Variants in MEF2D observed in about 807,000 individuals in gnomAD.
MEF2D encodes myocyte enhancer factor 2D.
In MEF2D, 10 loss-of-function variants were observed where a neutral mutation model predicts 59.3. That is an observed-to-expected ratio of 0.17 (90% CI 0.10 to 0.29). MEF2D has a LOEUF of 0.29. Ranked by LOEUF, MEF2D falls within the 10% of genes least tolerant of loss-of-function variation. The pLI, the probability that MEF2D is intolerant of heterozygous loss-of-function variation, is 1.00. For missense variants in MEF2D, 508 were observed against 699.4 expected (o/e 0.73, Z 3.09); for synonymous variants, 305 against 295.0 (o/e 1.03, Z -0.35).
intron 9 of MEF2D, among the ~76,000 whole-genome samples, chr1:156,471,399 G>C (rs2102008562): frequency 6.6e-6 from 1 of 152,328 alleles, no homozygotes; most frequent in Middle Eastern, 3.4e-3. Flanking sequence ...AATATGCTGG[G>C]ATTACAGGTG....
Position 156,479,644 on chromosome 1 carries a change from C to G in MEF2D, c.549G>C (p.Gln183His), listed in dbSNP as rs148815967. 241 of 1,552,922 alleles carry G rather than the reference C, an allele frequency of 1.6e-4. No individual in the cohort carries two copies. The highest frequency in any genetic ancestry group is 2.1e-4 in the Non-Finnish European group (238 of 1,147,776). The change falls in exon 5 of 12, where the codon CAG becomes CAC. Residue 183 changes from glutamine (Q) to histidine (H), a missense_variant. Transcript: ENST00000348159. The stretch of plus-strand genomic sequence containing the variant: ...ACACACTGTTCCTCTGTAGTGCTGG[C>G]TGCTGGGGGGACAGGAGCCGCGGGT... ...LTDPRLLSPQQPALQRNSVSP... is the reference protein window; with the variant it reads ...LTDPRLLSPQHPALQRNSVSP...
intron 3 of MEF2D, 105 bp from the exon 4 acceptor site, chr1:156,481,076 C>A: frequency 6.6e-7 from 1 of 1,522,516 alleles, no homozygotes; most frequent in South Asian, 1.2e-5. Flanking sequence ...TCCCCGACCT[C>A]CTTCTTCAGG....
At chr1:156,481,182 CAGAG>C (rs2102123874) in intron 3 of MEF2D, among the ~76,000 whole-genome samples, 1 of 152,298 alleles carries the variant, frequency 6.6e-6, no homozygotes, top group African/African-American at 2.4e-5. Flanking sequence ...TGTCGGAACA[CAGAG>C]AACAAGGCTG....
intron 3 of MEF2D, among the ~76,000 whole-genome samples, 170 bp downstream of exon 3, chr1:156,482,267 T>C (rs1337897596): frequency 2.6e-5 from 4 of 152,196 alleles, no homozygotes; most frequent in Non-Finnish European, 5.9e-5. Flanking sequence ...GACCCTGGGT[T>C]TGTATGACAG....
chr1:156,499,770 C>G (rs1405486693), intron 1 of MEF2D, among the ~76,000 whole-genome samples: 1 of 152,140 alleles, frequency 6.6e-6, no homozygotes, highest in South Asian at 2.1e-4. Flanking sequence ...GGGTTACTGA[C>G]AAACCACATC....
chr1:156,489,458 C>T (rs1407708316), intron 1 of MEF2D, among the ~76,000 whole-genome samples: 6 of 152,094 alleles, frequency 3.9e-5, no homozygotes, highest in Admixed American at 2.0e-4. Context: ...GAAAAAGAGG[C>T]AGCGAGGCCA....
chr1:156,498,921 A>G (rs1673307480), intron 1 of MEF2D, among the ~76,000 whole-genome samples: 1 of 152,190 alleles, frequency 6.6e-6, no homozygotes, highest in Non-Finnish European at 1.5e-5. Flanking sequence ...ATTCATTCCC[A>G]GGCAGGGCCG....
At position 156,463,894 on chromosome 1, in the gene MEF2D, C is replaced by G. The variant is rs1670671596; in HGVS notation, c.*3751G>C. 6.6e-6 allele frequency: 1 copy of G among 152,574 alleles called. No homozygotes were observed. Among genetic ancestry groups the G allele is most frequent in the African/African-American group, 2.4e-5 (1 of 41,426 alleles). The allele number at this position is 152,574 out of a possible 1,614,324, so 9.5% of individuals were successfully genotyped here. A position where few individuals can be genotyped will look rare whatever the true frequency, so the allele number is the denominator to read the frequency against. ...ACAGCACGAAAAGAAATATTGAAAA[C>G]AAATCAACAGCCTCACACTTGGACT... On this transcript the variant is annotated 3_prime_UTR_variant, in exon 12 of 12. Transcript: ENST00000348159.
intron 9 of MEF2D, among the ~76,000 whole-genome samples, chr1:156,473,770 G>A (rs990179927): frequency 1.3e-5 from 2 of 152,108 alleles, no homozygotes; most frequent in African/African-American, 4.8e-5. Context: ...TCCTTAAGTG[G>A]CTCTTTACCT....
chr1:156,467,709 G>C lies in MEF2D; in HGVS notation c.1555-53C>G, dbSNP rs1391210262. The C allele has an allele frequency of 2.2e-6, 3 of 1,358,352 alleles. No homozygotes were observed. In the East Asian group the frequency reaches 8.1e-5, roughly 37 times the overall value. 84.1% of individuals were successfully genotyped at this position (1,358,352 alleles called of 1,614,324 possible). On this transcript the variant is annotated intron_variant, in intron 11 of 11. Coordinates refer to ENST00000348159, the MANE Select transcript of MEF2D (RefSeq NM_005920.4). ...GTGTGAGGGGGTGGCCCAGGCTTTG[G>C]GTATGCACCCCCCACTCCCCTCTCC...
At chr1:156,476,539 G>A in intron 7 of MEF2D, 25 bp from the exon 8 acceptor site, 1 of 1,609,196 alleles carries the variant, frequency 6.2e-7, no homozygotes. Context: ...AAAACCAAGG[G>A]GATGTTCAGT....
rs1670668676 is a variant in MEF2D at position 156,463,830 on chromosome 1, C to T, written c.*3815G>A. The T allele has an allele frequency of 6.6e-6, 1 of 152,660 alleles. No individual in the cohort carries two copies. Among genetic ancestry groups the T allele is most frequent in the Admixed American group, 6.5e-5 (1 of 15,290 alleles). The allele number at this position is 152,660 out of a possible 1,614,324, so 9.5% of individuals were successfully genotyped here. A position where few individuals can be genotyped will look rare whatever the true frequency, so the allele number is the denominator to read the frequency against. On this transcript the variant is annotated 3_prime_UTR_variant, in exon 12 of 12. Transcript: ENST00000348159. ...CTCATAAGAATCTCGAGGACTTTGT[C>T]TTTTCTTATTGTGTAGAATACTAAG...
At chr1:156,498,101 TAAAA>T (rs5777987) in intron 1 of MEF2D, among the ~76,000 whole-genome samples, 2 of 56,032 alleles carry the variant, frequency 3.6e-5, no homozygotes, top group Non-Finnish European at 6.2e-5. Context: ...CAGGAAAGAT[TAAAA>T]AAAAAAAAAA....
chr1:156,467,673 T>C lies in MEF2D; in HGVS notation c.1555-17A>G, dbSNP rs759598877. The C allele has an allele frequency of 1.5e-6, 2 of 1,340,400 alleles. No homozygotes were observed. Among genetic ancestry groups the C allele is most frequent in the Non-Finnish European group, 9.6e-7 (1 of 1,038,076 alleles). 83.0% of individuals were successfully genotyped at this position (1,340,400 alleles called of 1,614,324 possible). ...CTTTAATGTCTGTGAAGAGAGGAGA[T>C]GGAGAAGGGGGTGTGAGGGGGTGGC... On this transcript the variant is annotated splice_polypyrimidine_tract_variant and intron_variant, in intron 11 of 11. Transcript: ENST00000348159.
chr1:156,482,290 C>T, intron 3 of MEF2D, 147 bp downstream of exon 3: 1 of 821,774 alleles, frequency 1.2e-6, no homozygotes, highest in Non-Finnish European at 2.0e-6. Flanking sequence ...GGAGGGTTTG[C>T]ATGTGTGTGC....
At position 156,478,467 on chromosome 1, in the gene MEF2D, A is replaced by G. The variant is rs567280454; in HGVS notation, c.664+823T>C. On this transcript the variant is annotated intron_variant, in intron 6 of 11. Coordinates refer to ENST00000348159, the MANE Select transcript of MEF2D (RefSeq NM_005920.4). Reference sequence around the variant, plus strand: ...CGAAGTCACAGTCACCCAGCCAGACAATGGCACAGGGTAGGAGGGGCTGTC... The same window carrying G: ...CGAAGTCACAGTCACCCAGCCAGACGATGGCACAGGGTAGGAGGGGCTGTC... 6.6e-5 allele frequency among the ~76,000 whole-genome samples: 10 copies of G among 152,288 alleles called. No individual in the cohort carries two copies. In the East Asian group the frequency reaches 1.7e-3, roughly 26 times the overall value.
chr1:156,489,021 C>T (rs1405532879), intron 1 of MEF2D, among the ~76,000 whole-genome samples: 1 of 152,226 alleles, frequency 6.6e-6, no homozygotes, highest in Non-Finnish European at 1.5e-5. Flanking sequence ...TTCCAGAGCT[C>T]CCATACCAGC....
intron 1 of MEF2D, chr1:156,484,321 T>C (rs1292265325): frequency 1.3e-5 from 2 of 152,264 alleles, no homozygotes; most frequent in South Asian, 2.1e-4. Context: ...TTTCAGGCTT[T>C]GCAGACCATA....
chr1:156,482,477 T>A lies in MEF2D; in HGVS notation c.218A>T (p.Asn73Ile). ...DKVLLKYTEY[N>I]EPHESRTNAD... ...GTTGGTGCGGCTCTCGTGTGGCTCA[T>A]TGTACTCCGTGTACTTGAGCAGCAC... The change falls in exon 3 of 12, where the codon AAT becomes ATT. Residue 73 changes from asparagine to isoleucine, a missense_variant. Asn to Ile is a moderately radical substitution (Grantham distance 149, BLOSUM62 -3). Transcript: ENST00000348159. The A allele has an allele frequency of 6.2e-7, 1 of 1,614,214 alleles. No individual in the cohort carries two copies. The highest frequency in any genetic ancestry group is 1.3e-5 in the African/African-American group (1 of 75,046).
Sources: gnomAD v4.1 joint callset for allele counts (sites outside exome capture counted in the v4.1 genomes callset) on GRCh38, gnomAD v4.1.1 for gene constraint, MANE v1.5 for transcripts, NCBI Gene and HGNC (gene_info 2026-07-23, HGNC 2026-07-21) for gene names.